The following CSN1S1 variants were observed in gnomAD, a reference collection of about 807,000 sequenced individuals.
The protein encoded by CSN1S1 is casein alpha s1, also known as alpha-S1-casein.
Under a neutral mutation model 49.1 loss-of-function variants are expected in CSN1S1, and 63 were observed. The ratio of observed to expected loss-of-function variants is 1.28; its 90% CI spans 1.05 to 1.58. CSN1S1 has a LOEUF of 1.58. Among genes scored for constraint, CSN1S1 ranks in the 40% most tolerant of loss-of-function variants. The pLI is 0.00. For missense variants in CSN1S1, 260 were observed against 224.7 expected (o/e 1.16, Z -1.01); for synonymous variants, 78 against 67.1 (o/e 1.16, Z -0.79).
rs1271760072 is a variant in CSN1S1 at position 69,946,182 on chromosome 4, A to G, written c.*-14A>G. On this transcript the variant is annotated splice_polypyrimidine_tract_variant and intron_variant, in intron 15 of 15. Transcript: ENST00000246891. Reference sequence around the variant, plus strand: ...TTAATATAACTCACCACATATTTCTATTTCTATTTACAGATATGATTGAAA... The same window carrying G: ...TTAATATAACTCACCACATATTTCTGTTTCTATTTACAGATATGATTGAAA... 1 of 548,126 alleles carries G rather than the reference A, an allele frequency of 1.8e-6. No homozygotes were observed. The allele number at this position is 548,126 out of a possible 1,614,324, so 34.0% of individuals were successfully genotyped here.
intron 12 of CSN1S1, among the ~76,000 whole-genome samples, chr4:69,941,457 C>G (rs1722964906): frequency 6.6e-6 from 1 of 151,824 alleles, no homozygotes; most frequent in Admixed American, 6.6e-5. Flanking sequence ...GGAAAGGAAA[C>G]AGGAATGCTA....
intron 13 of CSN1S1, 90 bp from the exon 14 acceptor site, chr4:69,942,446 G>A (rs1421511736): frequency 1.0e-6 from 1 of 992,812 alleles, no homozygotes; most frequent in South Asian, 1.4e-5. Flanking sequence ...TTTCATGAAT[G>A]ATGTTATGTA....
At position 69,943,425 on chromosome 4, in the gene CSN1S1, T is replaced by G. The variant is rs566361029; in HGVS notation, c.402+848T>G. On this transcript the variant is annotated intron_variant, in intron 14 of 15. Coordinates refer to ENST00000246891, the MANE Select transcript of CSN1S1 (RefSeq NM_001890.2). ...GTCTCAAACTCCTGACCTCAAGTGA[T>G]CCACTCGCCTTGGCCTCCCAAAGTG... is the stretch of plus-strand genomic sequence containing the variant. Among the ~76,000 whole-genome samples, 332 of 152,080 alleles carry G rather than the reference T, an allele frequency of 2.2e-3. 2 individuals carry two copies. Among genetic ancestry groups the G allele is most frequent in the African/African-American group, 7.7e-3 (318 of 41,528 alleles).
At chr4:69,944,440 G>A (rs1046827073) in intron 14 of CSN1S1, among the ~76,000 whole-genome samples, 5 of 151,864 alleles carry the variant, frequency 3.3e-5, no homozygotes, top group Admixed American at 1.3e-4. Context: ...TGGGTGCGGG[G>A]CCTGTACTTT....
rs151051534 is a variant in CSN1S1 at position 69,940,709 on chromosome 4, G to A, written c.301-310G>A. Reference sequence around the variant, plus strand: ...ATTTGGCCAAAGTTAAATCTTCACAGTCAGAAAACAAAAAAACAGTTTTAA... The same window carrying A: ...ATTTGGCCAAAGTTAAATCTTCACAATCAGAAAACAAAAAAACAGTTTTAA... On this transcript the variant is annotated intron_variant, in intron 11 of 15. Coordinates refer to ENST00000246891, the MANE Select transcript of CSN1S1 (RefSeq NM_001890.2). Among the ~76,000 whole-genome samples the A allele has an allele frequency of 1.8e-4, 28 of 151,804 alleles. 1 individual carries two copies. In the East Asian group the frequency reaches 5.2e-3, roughly 28 times the overall value.
chr4:69,932,517 CTCTT>C (rs1722638657), intron 1 of CSN1S1, 23 bp from the exon 2 acceptor site: 1 of 1,559,676 alleles, frequency 6.4e-7, no homozygotes, highest in Admixed American at 1.8e-5. Flanking sequence ...TAATATCTAA[CTCTT>C]TCTTTTTTGT....
intron 14 of CSN1S1, 132 bp downstream of exon 14, chr4:69,942,709 C>T: frequency 1.5e-6 from 1 of 676,550 alleles, no homozygotes; most frequent in South Asian, 1.9e-5. Context: ...ACTTAAATCT[C>T]AGTTCTGACA....
chr4:69,936,408 A>G (rs756168249), intron 5 of CSN1S1, 48 bp from the exon 6 acceptor site: 8 of 1,363,430 alleles, frequency 5.9e-6, no homozygotes, highest in Non-Finnish European at 8.3e-6. Context: ...CCACTCATGT[A>G]TGTCTTGTTT....
At position 69,934,648 on chromosome 4, in the gene CSN1S1, G is replaced by A. The variant is rs747106264; in HGVS notation, c.85-42G>A. Reference sequence around the variant, plus strand: ...CACAACTAATCCTACATTCTGTCCTGCAATTGGAATAATACCATTTAAAAA... The same window carrying A: ...CACAACTAATCCTACATTCTGTCCTACAATTGGAATAATACCATTTAAAAA... On this transcript the variant is annotated intron_variant, in intron 3 of 15. Coordinates refer to ENST00000246891, the MANE Select transcript of CSN1S1 (RefSeq NM_001890.2). 2.0e-5 allele frequency: 31 copies of A among 1,564,268 alleles called. No homozygotes were observed. The Admixed American group carries it at 4.9e-4, about 25-fold the overall frequency.
chr4:69,932,723 G>A (rs1398563800), intron 2 of CSN1S1, 117 bp downstream of exon 2: 4 of 896,370 alleles, frequency 4.5e-6, no homozygotes, highest in Non-Finnish European at 5.3e-6. Context: ...TCTCTAATTG[G>A]CCTCTGAAGT....
Position 69,932,833 on chromosome 4 carries a change from G to T in CSN1S1, c.51+227G>T, listed in dbSNP as rs146561360. Among the ~76,000 whole-genome samples, 565 of 151,740 alleles carry T rather than the reference G, an allele frequency of 3.7e-3. 8 individuals are homozygous for T. The highest frequency in any genetic ancestry group is 9.5e-3 in the East Asian group (49 of 5,170). ...ATAAAATGTCTGACTTGAATTATAA[G>T]CACCCCACAATAAAAAAGAGCTAAA... On this transcript the variant is annotated intron_variant, in intron 2 of 15. Transcript: ENST00000246891.
chr4:69,932,643 T>C (rs559322608), intron 2 of CSN1S1, 37 bp downstream of exon 2: 2 of 1,530,948 alleles, frequency 1.3e-6, no homozygotes, highest in Non-Finnish European at 1.8e-6. Flanking sequence ...TCTTAGACTC[T>C]TGTTAGAAAT....
At chr4:69,941,089 T>C in intron 12 of CSN1S1, 29 bp downstream of exon 12, 2 of 1,164,486 alleles carry the variant, frequency 1.7e-6, no homozygotes, top group East Asian at 2.8e-5. Context: ...TAATACAAAA[T>C]CATATTCTAC....
chr4:69,942,531 T>C lies in CSN1S1; in HGVS notation c.361-5T>C, dbSNP rs575385476. ...GTAATTTAGAATGTGTTTCCTTTTA[T>C]GCAGGAGCAAATTCGCAGAATGAAT... On this transcript the variant is annotated splice_region_variant and splice_polypyrimidine_tract_variant and intron_variant, in intron 13 of 15. Transcript: ENST00000246891. The C allele has an allele frequency of 4.4e-6, 7 of 1,583,254 alleles. No homozygotes were observed. Among genetic ancestry groups the C allele is most frequent in the Non-Finnish European group, 6.0e-6 (7 of 1,162,756 alleles).
At position 69,937,149 on chromosome 4, in the gene CSN1S1, G is replaced by C. The variant is rs866422478; in HGVS notation, c.219+5G>C. 2 of 1,530,564 alleles carry C rather than the reference G, an allele frequency of 1.3e-6. No individual in the cohort carries two copies. The highest frequency in any genetic ancestry group is 1.4e-5 in the African/African-American group (1 of 71,784). The allele number at this position is 1,530,564 out of a possible 1,614,324, so 94.8% of individuals were successfully genotyped here. A position where few individuals can be genotyped will look rare whatever the true frequency, so the allele number is the denominator to read the frequency against. On this transcript the variant is annotated splice_donor_5th_base_variant and intron_variant, in intron 8 of 15. Transcript: ENST00000246891. ...ACTAGGAATGAGTCTACTCAGGTGAGACCCTTTGTTTTAAAATTATTAAAC... is the reference window on the plus strand; with the variant it reads ...ACTAGGAATGAGTCTACTCAGGTGACACCCTTTGTTTTAAAATTATTAAAC...
At chr4:69,944,580 G>A (rs1267339970) in intron 14 of CSN1S1, among the ~76,000 whole-genome samples, 2 of 151,938 alleles carry the variant, frequency 1.3e-5, no homozygotes, top group Non-Finnish European at 2.9e-5. Flanking sequence ...TGTGAGTAAT[G>A]TGGGTTCTTG....
At chr4:69,934,798 T>A (rs1414578316) in intron 4 of CSN1S1, 88 bp downstream of exon 4, 1 of 1,183,830 alleles carries the variant, frequency 8.4e-7, no homozygotes, top group East Asian at 2.4e-5. Flanking sequence ...TCTTCTTCTT[T>A]ACAATTTTTA....
Position 69,941,052 on chromosome 4 carries a change from C to A in CSN1S1, c.334C>A (p.Leu112Ile). 2 of 1,494,446 alleles carry A rather than the reference C, an allele frequency of 1.3e-6. No homozygotes were observed. Among genetic ancestry groups the A allele is most frequent in the Admixed American group, 1.9e-5 (1 of 53,170 alleles). The allele number at this position is 1,494,446 out of a possible 1,614,324, so 92.6% of individuals were successfully genotyped here. The change falls in exon 12 of 16, where the codon CTT (leucine) becomes ATT (isoleucine). Residue 112 changes from leucine (L) to isoleucine (I), a missense_variant. Leu to Ile is a conservative substitution (Grantham distance 5). Transcript: ENST00000246891. ...QFCRLNEYNQ[L>I]QLQAAHAQEQ... is the part of the protein sequence containing the mutation. ...TTGTAGACTGAACGAATACAACCAA[C>A]TTCAGCTGGTAATATTTTATTCATT...
Position 69,936,484 on chromosome 4 carries a change from G to A in CSN1S1, c.153+5G>A, listed in dbSNP as rs1330614573. On this transcript the variant is annotated splice_donor_5th_base_variant and intron_variant, in intron 6 of 15. Coordinates refer to ENST00000246891, the MANE Select transcript of CSN1S1 (RefSeq NM_001890.2). Reference sequence around the variant, plus strand: ...TACATGAATGGTATGAACAGGGTAAGAAACATCAATGAAATTTAAATTATG... The same window carrying A: ...TACATGAATGGTATGAACAGGGTAAAAAACATCAATGAAATTTAAATTATG... 6.3e-7 allele frequency: 1 copy of A among 1,579,310 alleles called. No homozygotes were observed. Among genetic ancestry groups the A allele is most frequent in the Admixed American group, 1.7e-5 (1 of 59,298 alleles).
Sources: gnomAD v4.1 joint callset for allele counts (sites outside exome capture counted in the v4.1 genomes callset) on GRCh38, gnomAD v4.1.1 for gene constraint, MANE v1.5 for transcripts, NCBI Gene and HGNC (gene_info 2026-07-23, HGNC 2026-07-21) for gene names.